The following TDRKH variants were observed in gnomAD, a reference collection of about 807,000 sequenced individuals.
TDRKH encodes tudor and KH domain containing, also known as tudor and KH domain-containing protein.
In TDRKH, 28 loss-of-function variants were observed where a neutral mutation model predicts 61.3. That is an observed-to-expected ratio of 0.46 (90% confidence interval 0.34 to 0.63). The LOEUF (loss-of-function observed/expected upper bound fraction) is 0.63. Among genes scored for constraint, TDRKH ranks in the 20% least tolerant of loss-of-function variants. The pLI is 0.01. For synonymous variants in TDRKH, 219 were observed against 244.4 expected (o/e 0.90, Z 0.97); for missense variants, 540 against 683.4 (o/e 0.79, Z 2.34).
chr1:151,776,241 C>T lies in TDRKH; in HGVS notation c.1072G>A (p.Asp358Asn). ...GTAGGTAAAGGTGCTGCTACAATGT[C>T]TCCTACATGCACAGTCAAGTCTTCA... ...VPEDLTVHVG[D>N]IVAAPLPTNG... Residue 358 changes from aspartate to asparagine, a missense_variant, in exon 8 of 13, where the codon GAC (aspartate) becomes AAC (asparagine). Transcript: ENST00000368824. 1 of 1,614,080 alleles carries T rather than the reference C, an allele frequency of 6.2e-7. No homozygotes were observed. Among genetic ancestry groups the T allele is most frequent in the Non-Finnish European group, 8.5e-7 (1 of 1,179,978 alleles).
rs2101612146 is a variant in TDRKH, at chr1:151,782,930, A to G, written c.93T>C (p.Tyr31=). The G allele has an allele frequency of 1.9e-6, 3 of 1,613,412 alleles. No individual in the cohort carries two copies. The highest frequency in any genetic ancestry group is 4.5e-5 in the East Asian group (2 of 44,820). Residue 31 remains tyrosine (Y), a synonymous_variant, in exon 2 of 13, where the codon TAT becomes TAC. Coordinates refer to ENST00000368824, the MANE Select transcript of TDRKH (RefSeq NM_001083965.2). ...LGIPASATVA[Y]ILYRRYRESR... is the part of the protein sequence containing the mutation. ...TTTCCCTATACCTGCGGTATAGGAT[A>G]TAGGCAACTGTTGCACTGGCTGGGA... is the stretch of plus-strand genomic sequence containing the variant.
Position 151,784,933 on chromosome 1 carries a change from G to GTT in TDRKH, c.-27-1886_-27-1885dup, listed in dbSNP as rs377380901. Among the ~76,000 whole-genome samples, 52 of 126,534 alleles carry GTT rather than the reference G, an allele frequency of 4.1e-4. 1 individual carries two copies. Among genetic ancestry groups the GTT allele is most frequent in the East Asian group, 6.8e-4 (3 of 4,412 alleles). 83.0% of individuals were successfully genotyped at this position (126,534 alleles called of 152,430 possible). A position where few individuals can be genotyped will look rare whatever the true frequency, so the allele number is the denominator to read the frequency against. ...TTGCCATCTCAGCAAATGGCAATTC[G>GTT]TTTTTTTTTTTTTTTTTGAGACAAG... On this transcript the variant is annotated intron_variant, in intron 1 of 12. Transcript: ENST00000368824.
At chr1:151,786,565 G>C (rs950329172) in intron 1 of TDRKH, among the ~76,000 whole-genome samples, 1 of 152,200 alleles carries the variant, frequency 6.6e-6, no homozygotes, top group Non-Finnish European at 1.5e-5. Context: ...GAGAAGGGTA[G>C]ACTACTACAC....
intron 6 of TDRKH, among the ~76,000 whole-genome samples, chr1:151,778,106 G>A (rs1176133759): frequency 1.3e-5 from 2 of 152,054 alleles, no homozygotes; most frequent in Non-Finnish European, 2.9e-5. Context: ...TTCCCACCCT[G>A]TCTATTTATA....
intron 10 of TDRKH, 59 bp from the exon 11 acceptor site, chr1:151,775,225 G>C: frequency 6.3e-7 from 1 of 1,592,426 alleles, no homozygotes; most frequent in South Asian, 1.1e-5. Context: ...CAAATTTGAG[G>C]AAACAAGGCA....
chr1:151,781,073 T>C (rs928039873), intron 3 of TDRKH, among the ~76,000 whole-genome samples: 4 of 151,638 alleles, frequency 2.6e-5, no homozygotes, highest in African/African-American at 9.7e-5. Context: ...CCCAGCACTC[T>C]GGGAGGCCGA....
At chr1:151,770,466 T>A, downstream of TDRKH, 2 of 614,726 alleles carry the variant, frequency 3.3e-6, no homozygotes, top group Non-Finnish European at 5.3e-6. Flanking sequence ...GCAGGTGGTG[T>A]TAGGGGCCAG....
Position 151,776,249 on chromosome 1 carries a change from T to A in TDRKH, c.1064A>T (p.His355Leu). Residue 355 changes from histidine to leucine, a missense_variant, in exon 8 of 13, where the codon CAT becomes CTT. Physicochemically the swap from His to Leu is moderately conservative, Grantham distance 99 (BLOSUM62 -3). Around this residue, in one of 3 missense-constraint regions of TDRKH, gnomAD observed 379 missense variants for 443.8 expected, o/e 0.85. Transcript: ENST00000368824. ...ENSVPEDLTVHVGDIVAAPLP... is the reference protein window; with the variant it reads ...ENSVPEDLTVLVGDIVAAPLP... ...AGGTGCTGCTACAATGTCTCCTACA[T>A]GCACAGTCAAGTCTTCAGGCTGTAT... is the stretch of plus-strand genomic sequence containing the variant. 3.7e-6 allele frequency: 6 copies of A among 1,614,012 alleles called. No homozygotes were observed. Among genetic ancestry groups the A allele is most frequent in the Non-Finnish European group, 5.1e-6 (6 of 1,179,960 alleles).
At chr1:151,771,100 T>G (rs572558914), downstream of TDRKH, 1 of 1,601,450 alleles carries the variant, frequency 6.2e-7, no homozygotes, top group African/African-American at 1.3e-5. Context: ...GGCCTTCAGC[T>G]ACATGGGCTT....
chr1:151,788,348 C>T (rs532687110), intron 1 of TDRKH, among the ~76,000 whole-genome samples: 26 of 152,264 alleles, frequency 1.7e-4, no homozygotes, highest in African/African-American at 6.0e-4. Flanking sequence ...CGGGACACAA[C>T]AGTCAAGATA....
intron 6 of TDRKH, 198 bp downstream of exon 6, chr1:151,778,487 C>T (rs1996730): frequency 1 from 1,537,859 of 1,538,092 alleles, 768,815 homozygotes; most frequent in Middle Eastern, 1. Context: ...AACATCTGCA[C>T]CCTCAAACTG....
At chr1:151,785,985 T>C (rs1485565498) in intron 1 of TDRKH, among the ~76,000 whole-genome samples, 1 of 152,222 alleles carries the variant, frequency 6.6e-6, no homozygotes, top group Admixed American at 6.5e-5. Context: ...TGCCATAATT[T>C]ACCTCCAGGT....
downstream of TDRKH, chr1:151,769,392 C>CGG (rs1648535533): frequency 6.4e-6 from 1 of 156,104 alleles, no homozygotes; most frequent in Non-Finnish European, 1.4e-5. Flanking sequence ...ACTTCCCAGA[C>CGG]GAGGCGGCTG....
chr1:151,789,625 G>C (rs1247059381), intron 1 of TDRKH, among the ~76,000 whole-genome samples: 1 of 152,154 alleles, frequency 6.6e-6, no homozygotes, highest in African/African-American at 2.4e-5. Context: ...GATATGCATC[G>C]CTAAGGCTTA....
chr1:151,766,843 A>C, downstream of TDRKH: 1 of 1,612,494 alleles, frequency 6.2e-7, no homozygotes, highest in Non-Finnish European at 8.5e-7. Context: ...TGTTACAAGT[A>C]CCGGATCACT....
Position 151,781,540 on chromosome 1 carries a change from G to A in TDRKH, c.172C>T (p.Arg58Trp), listed in dbSNP as rs760408252. The change falls in exon 3 of 13, where the codon CGG becomes TGG. Residue 58 changes from arginine to tryptophan, a missense_variant. Transcript: ENST00000368824. ...VGEDDIEIEM[R>W]VPQEAVKLII... ...AGTTTCACAGCCTCCTGGGGAACCC[G>A]CATCTCTATCTCAATGTCATCTTCC... 12 of 1,613,176 alleles carry A rather than the reference G, an allele frequency of 7.4e-6. No homozygotes were observed. In the East Asian group the frequency reaches 1.6e-4, roughly 21 times the overall value.
intron 11 of TDRKH, 95 bp downstream of exon 11, chr1:151,774,970 T>G: frequency 7.0e-7 from 1 of 1,434,858 alleles, no homozygotes; most frequent in Admixed American, 1.9e-5. Flanking sequence ...TCAAAGTCCT[T>G]AGGAAAGCTA....
chr1:151,768,378 A>G (rs1648447097), downstream of TDRKH: 1 of 1,247,670 alleles, frequency 8.0e-7, no homozygotes, highest in African/African-American at 1.5e-5. Flanking sequence ...GAGCTGAGCC[A>G]GGATCTGGGG....
intron 1 of TDRKH, among the ~76,000 whole-genome samples, chr1:151,786,045 TG>T (rs1558150304): frequency 6.6e-6 from 1 of 152,122 alleles, no homozygotes; most frequent in Non-Finnish European, 1.5e-5. Flanking sequence ...TATTTCACCC[TG>T]GGGGGAAAAA....
Sources: allele counts gnomAD v4.1 joint callset (sites outside exome capture counted in the v4.1 genomes callset), GRCh38; gene constraint gnomAD v4.1.1; regional missense constraint gnomAD v4.1.1; transcripts MANE v1.5; gene names NCBI Gene and HGNC (gene_info 2026-07-23, HGNC 2026-07-21).